LRRC7: variants seen among roughly 807,000 people sequenced by gnomAD.
LRRC7 encodes the protein leucine-rich repeat-containing protein 7.
In LRRC7, 23 loss-of-function variants were observed where a neutral mutation model predicts 175.7. The observed-to-expected ratio is 0.13, with a 90% confidence interval of 0.09 to 0.19. The LOEUF (loss-of-function observed/expected upper bound fraction) is 0.19, where lower values mean the gene tolerates loss of function less well. Ranked by LOEUF, LRRC7 falls within the 10% of genes least tolerant of loss-of-function variation. LRRC7 has a pLI of 1.00. For synonymous variants in LRRC7, 685 were observed against 680.9 expected, an observed-to-expected ratio of 1.01 and a Z score of -0.09; for missense variants, 1,354 against 1,904.7, an observed-to-expected ratio of 0.71 and a Z score of 5.38.
chr1:69,618,756 T>A (rs989985556), intron 1 of LRRC7, among the ~76,000 whole-genome samples: 2 of 152,162 alleles, frequency 1.3e-5, no homozygotes, highest in African/African-American at 4.8e-5. Context: ...ATGGTGATAT[T>A]TTCTCATCAC....
In LRRC7 at chr1:69,631,538, T is replaced by G. The variant is rs562970964; in HGVS notation, c.3-46843T>G. 9.2e-5 allele frequency among the ~76,000 whole-genome samples: 14 copies of G among 152,262 alleles called. 1 individual carries two copies. The South Asian group carries it at 1.0e-3, about 11-fold the overall frequency. On this transcript the variant is annotated intron_variant, in intron 1 of 26. Transcript: ENST00000651989. ...GTTCTAGTTTTGTTTGACATCATTA[T>G]GGCCAGGGCCCCAGGGAGGCCAAGG...
At chr1:69,577,021 T>C (rs529006340) in intron 1 of LRRC7, among the ~76,000 whole-genome samples, 85 of 152,346 alleles carry the variant, frequency 5.6e-4, no homozygotes, top group African/African-American at 1.8e-3. Flanking sequence ...GTTTGTTTAC[T>C]CGCTTTTTCT....
At chr1:69,873,512 A>G (rs781387547) in intron 7 of LRRC7, 1 of 532,694 alleles carries the variant, frequency 1.9e-6, no homozygotes, top group Non-Finnish European at 3.9e-6. Flanking sequence ...GCCTGAGACT[A>G]TACAGTGACA....
chr1:69,834,894 G>A (rs954210083), intron 6 of LRRC7, 25 bp downstream of exon 6: 9 of 1,566,218 alleles, frequency 5.7e-6, no homozygotes, highest in Non-Finnish European at 7.9e-6. Context: ...TTTAAATTAT[G>A]CAATTATATC....
At chr1:69,812,502 A>G (rs1484977158) in intron 4 of LRRC7, among the ~76,000 whole-genome samples, 1 of 152,102 alleles carries the variant, frequency 6.6e-6, no homozygotes, top group African/African-American at 2.4e-5. Flanking sequence ...GTTTAATCTA[A>G]TTTAATAGGT....
At chr1:69,891,078 A>G (rs1645819418) in intron 7 of LRRC7, among the ~76,000 whole-genome samples, 1 of 152,250 alleles carries the variant, frequency 6.6e-6, no homozygotes, top group African/African-American at 2.4e-5. Context: ...ATTTCCTTCA[A>G]GAAATGTTCC....
intron 7 of LRRC7, among the ~76,000 whole-genome samples, chr1:69,924,898 C>T (rs911415632): frequency 5.3e-5 from 8 of 152,152 alleles, no homozygotes; most frequent in Non-Finnish European, 5.9e-5. Flanking sequence ...TGGAATGCTT[C>T]CAGTTTTTGC....
intron 7 of LRRC7, among the ~76,000 whole-genome samples, chr1:69,906,297 C>G (rs1263264766): frequency 2.0e-5 from 3 of 152,134 alleles, no homozygotes; most frequent in African/African-American, 7.2e-5. Flanking sequence ...GCTTTTGTTG[C>G]CATTGCTTTT....
At chr1:69,738,487 T>A (rs903506888) in intron 2 of LRRC7, among the ~76,000 whole-genome samples, 42 of 152,210 alleles carry the variant, frequency 2.8e-4, no homozygotes, top group African/African-American at 9.9e-4. Context: ...ATTCATTAAG[T>A]ATCTTATAAA....
At chr1:69,731,007 A>G (rs577430478) in intron 2 of LRRC7, among the ~76,000 whole-genome samples, 4 of 152,098 alleles carry the variant, frequency 2.6e-5, no homozygotes, top group African/African-American at 9.6e-5. Flanking sequence ...TCCTTATAAA[A>G]CCATGAGATC....
intron 2 of LRRC7, among the ~76,000 whole-genome samples, chr1:69,757,286 A>T (rs1482858956): frequency 6.6e-6 from 1 of 152,002 alleles, no homozygotes; most frequent in Non-Finnish European, 1.5e-5. Context: ...GAAATTGGCT[A>T]ATCAGCATGT....
intron 22 of LRRC7, among the ~76,000 whole-genome samples, chr1:70,052,527 C>T (rs757558999): frequency 6.6e-6 from 1 of 151,994 alleles, no homozygotes; most frequent in Non-Finnish European, 1.5e-5. Context: ...TGCACTATGC[C>T]AGTGTTAGCA....
chr1:69,619,745 A>T (rs879301667), intron 1 of LRRC7, among the ~76,000 whole-genome samples: 1 of 152,176 alleles, frequency 6.6e-6, no homozygotes, highest in African/African-American at 2.4e-5. Context: ...AGCTTGAAAA[A>T]TTCTCAATAT....
At chr1:69,773,145 G>A (rs72675057) in intron 3 of LRRC7, among the ~76,000 whole-genome samples, 11,413 of 152,178 alleles carry the variant, frequency 0.075, 559 homozygotes, top group Middle Eastern at 0.14. Flanking sequence ...GTGACCTGAA[G>A]GCACATTTGT....
In LRRC7 at chr1:69,781,688, GAAGAAAGAAAGA is replaced by G. The variant is rs1553155061; in HGVS notation, c.304-10318_304-10307del. On this transcript the variant is annotated intron_variant, in intron 3 of 26. Coordinates refer to ENST00000651989, the MANE Select transcript of LRRC7 (RefSeq NM_001370785.2). ...CAGAGCAAGACTGTCTCAAAAAAAA[GAAGAAAGAAAGA>G]AAGAAAGAAAGAAAGAAAGAAAGAA... Among the ~76,000 whole-genome samples, 55 of 43,936 alleles carry G rather than the reference GAAGAAAGAAAGA, an allele frequency of 1.3e-3. 3 individuals carry two copies. Among genetic ancestry groups the G allele is most frequent in the Admixed American group, 3.8e-3 (14 of 3,654 alleles). 28.8% of individuals were successfully genotyped at this position (43,936 alleles called of 152,430 possible).
intron 2 of LRRC7, among the ~76,000 whole-genome samples, chr1:69,738,742 G>A (rs1319385042): frequency 6.6e-6 from 1 of 152,026 alleles, no homozygotes; most frequent in African/African-American, 2.4e-5. Context: ...ATGTGAGAGA[G>A]ATAAGACACA....
intron 8 of LRRC7, among the ~76,000 whole-genome samples, chr1:69,965,478 A>G (rs1013695663): frequency 6.6e-6 from 1 of 152,212 alleles, no homozygotes; most frequent in Non-Finnish European, 1.5e-5. Context: ...TTAATTAATT[A>G]TAAATCAATC....
In LRRC7 at chr1:70,073,480, T is replaced by C. The variant is rs77553661; in HGVS notation, c.4231-2597T>C. Among the ~76,000 whole-genome samples the C allele has an allele frequency of 3.5e-3, 530 of 152,190 alleles. 1 individual carries two copies. The highest frequency in any genetic ancestry group is 0.012 in the African/African-American group (486 of 41,526). On this transcript the variant is annotated intron_variant, in intron 23 of 26. Coordinates refer to ENST00000651989, the MANE Select transcript of LRRC7 (RefSeq NM_001370785.2). The stretch of plus-strand genomic sequence containing the variant: ...AATAAAAATTAAAACTCAATTCAAA[T>C]AACAAAGGCTACTATAGTTCTCCAA...
At chr1:69,728,529 A>G (rs1667226021) in intron 2 of LRRC7, among the ~76,000 whole-genome samples, 1 of 152,248 alleles carries the variant, frequency 6.6e-6, no homozygotes, top group Non-Finnish European at 1.5e-5. Context: ...TTATTGCTAC[A>G]TCAAAATATC....
Sources: gnomAD v4.1 joint callset for allele counts (sites outside exome capture counted in the v4.1 genomes callset) on GRCh38, gnomAD v4.1.1 for gene constraint, MANE v1.5 for transcripts, NCBI Gene and HGNC (gene_info 2026-07-23, HGNC 2026-07-21) for gene names.